Variants in ELF2 observed in about 807,000 individuals in gnomAD.
ELF2 encodes ETS-related transcription factor Elf-2.
A neutral mutation model predicts 54.8 loss-of-function variants in ELF2; 11 were observed. The ratio of observed to expected loss-of-function variants is 0.20; its 90% CI spans 0.13 to 0.33. The LOEUF is 0.33. Ranked by LOEUF, ELF2 falls within the 10% of genes least tolerant of loss-of-function variation. The probability of loss-of-function intolerance (pLI) is 1.00; values close to 1 mark genes in which losing one functional copy is unlikely to be tolerated. For missense variants in ELF2, 513 were observed against 703.0 expected (o/e 0.73, Z 3.06); for synonymous variants, 203 against 245.1 (o/e 0.83, Z 1.61).
intron 7 of ELF2, among the ~76,000 whole-genome samples, chr4:139,065,625 C>T (rs990762690): frequency 5.9e-5 from 9 of 152,284 alleles, no homozygotes; most frequent in African/African-American, 2.2e-4. Context: ...ACTTTGAATA[C>T]AGGTTTGACT....
chr4:139,115,117 T>C, intron 4 of ELF2: 3 of 1,613,872 alleles, frequency 1.9e-6, no homozygotes, highest in South Asian at 2.2e-5. Context: ...CTCCTCTTCC[T>C]GGCAGTCGTA....
rs35549418 is a variant in ELF2, at chr4:139,125,072, GT to G, written c.238+91del. 9.6e-4 allele frequency: 1,418 copies of G among 1,471,614 alleles called. 14 individuals carry two copies. In the African/African-American group the frequency reaches 0.017, roughly 18 times the overall value. 91.2% of individuals were successfully genotyped at this position (1,471,614 alleles called of 1,614,324 possible). A position where few individuals can be genotyped will look rare whatever the true frequency, so the allele number is the denominator to read the frequency against. The stretch of plus-strand genomic sequence containing the variant: ...AGCTATACTAAATAGCATTAAAAAG[GT>G]TTTTCAGTATATTTTTCATCTGGCA... On this transcript the variant is annotated intron_variant, in intron 4 of 9. Coordinates refer to ENST00000686138, the MANE Select transcript of ELF2 (RefSeq NM_001331036.3).
intron 2 of ELF2, among the ~76,000 whole-genome samples, chr4:139,138,751 AG>A (rs1738428719): frequency 6.6e-6 from 1 of 152,238 alleles, no homozygotes; most frequent in Non-Finnish European, 1.5e-5. Context: ...CAAATAAAGT[AG>A]TTTAAAAATA....
At chr4:139,059,854 T>G (rs1231271671) in intron 9 of ELF2, among the ~76,000 whole-genome samples, 1 of 151,968 alleles carries the variant, frequency 6.6e-6, no homozygotes, top group Non-Finnish European at 1.5e-5. Flanking sequence ...ATCTACTTTT[T>G]TTTTTTTTTT....
intron 4 of ELF2, among the ~76,000 whole-genome samples, chr4:139,111,356 C>CT (rs200691360): frequency 0.19 from 27,958 of 147,956 alleles, 2,892 homozygotes; most frequent in South Asian, 0.34. Flanking sequence ...AAATGATATA[C>CT]TTTTTTTTTT....
At chr4:139,066,833 T>C (rs1394558385) in intron 7 of ELF2, 1 of 152,084 alleles carries the variant, frequency 6.6e-6, no homozygotes, top group Non-Finnish European at 1.5e-5. Flanking sequence ...GGTATGGTCA[T>C]GCCACTGCAT....
chr4:139,124,280 T>G (rs1217313107), intron 4 of ELF2, among the ~76,000 whole-genome samples: 1 of 151,984 alleles, frequency 6.6e-6, no homozygotes, highest in Non-Finnish European at 1.5e-5. Flanking sequence ...ATCCCTTAGC[T>G]CCACAAAAAA....
At chr4:139,151,033 A>C (rs1256116115) in intron 1 of ELF2, among the ~76,000 whole-genome samples, 19 of 28,924 alleles carry the variant, frequency 6.6e-4, no homozygotes, top group African/African-American at 2.1e-3. Flanking sequence ...CAAAAAAAAA[A>C]AAGAAAGAAA....
chr4:139,129,604 A>G, intron 3 of ELF2, among the ~76,000 whole-genome samples: 1 of 152,334 alleles, frequency 6.6e-6, no homozygotes, highest in African/African-American at 2.4e-5. Context: ...CTTCATATTT[A>G]AAAAAGAGAT....
rs60267592 is a variant in ELF2, at chr4:139,090,913, GTTTGTTTTGTTTTGT to G, written c.239-17361_239-17347del. Reference sequence around the variant, plus strand: ...TTAATGTTTTCCCTTATAGTATATGGTTTGTTTTGTTTTGTTTTGTTTTGTTTTGTTTTGTTTTGA... The same window carrying G: ...TTAATGTTTTCCCTTATAGTATATGGTTTGTTTTGTTTTGTTTTGTTTTGA... On this transcript the variant is annotated intron_variant, in intron 4 of 9. Transcript: ENST00000686138. Among the ~76,000 whole-genome samples, 53 of 149,662 alleles carry G rather than the reference GTTTGTTTTGTTTTGT, an allele frequency of 3.5e-4. No individual in the cohort carries two copies. In the South Asian group the frequency reaches 3.6e-3, roughly 10 times the overall value.
chr4:139,084,341 G>A (rs1731669235), intron 4 of ELF2: 1 of 1,530,880 alleles, frequency 6.5e-7, no homozygotes, highest in East Asian at 2.4e-5. Flanking sequence ...CCGGATCCTT[G>A]CGCGTCCTCC....
intron 1 of ELF2, among the ~76,000 whole-genome samples, chr4:139,151,557 C>A (rs1740002304): frequency 6.6e-6 from 1 of 152,150 alleles, no homozygotes; most frequent in Admixed American, 6.5e-5. Flanking sequence ...TTCTAGTTCT[C>A]ACGCAGAATG....
At chr4:139,176,640 G>A (rs1447108458) in intron 1 of ELF2, among the ~76,000 whole-genome samples, 7 of 152,076 alleles carry the variant, frequency 4.6e-5, no homozygotes, top group Admixed American at 6.5e-5. Context: ...AGCTGCGCTC[G>A]GCCCATCCCC....
At chr4:139,130,330 A>G (rs1737366409) in intron 3 of ELF2, among the ~76,000 whole-genome samples, 1 of 152,242 alleles carries the variant, frequency 6.6e-6, no homozygotes, top group South Asian at 2.1e-4. Flanking sequence ...AACCTAGTTT[A>G]CAGTACTTTG....
intron 4 of ELF2, among the ~76,000 whole-genome samples, chr4:139,085,982 C>T (rs868820737): frequency 6.6e-6 from 1 of 152,124 alleles, no homozygotes; most frequent in Non-Finnish European, 1.5e-5. Flanking sequence ...AGTTACTTAA[C>T]AAAGGTTACA....
At chr4:139,143,186 C>A (rs1206841226) in intron 1 of ELF2, among the ~76,000 whole-genome samples, 1 of 152,160 alleles carries the variant, frequency 6.6e-6, no homozygotes, top group East Asian at 1.9e-4. Flanking sequence ...TCAGCTACCA[C>A]CCATCCCCCA....
intron 2 of ELF2, among the ~76,000 whole-genome samples, chr4:139,138,821 T>G (rs1156843955): frequency 2.0e-5 from 3 of 152,226 alleles, no homozygotes. Flanking sequence ...CTCAATTTTT[T>G]GATATTAGTT....
chr4:139,081,050 T>C (rs561016154), intron 4 of ELF2, among the ~76,000 whole-genome samples: 3 of 152,208 alleles, frequency 2.0e-5, no homozygotes, highest in South Asian at 2.1e-4. Context: ...GTCAACCCTG[T>C]CTTCTTAGAG....
intron 4 of ELF2, among the ~76,000 whole-genome samples, chr4:139,079,318 A>T (rs1381532723): frequency 1.3e-5 from 2 of 152,206 alleles, no homozygotes; most frequent in African/African-American, 4.8e-5. Flanking sequence ...AATAGAAGGC[A>T]GCTGAATTCT....
Sources: allele counts gnomAD v4.1 joint callset (sites outside exome capture counted in the v4.1 genomes callset), GRCh38; gene constraint gnomAD v4.1.1; transcripts MANE v1.5; gene names NCBI Gene and HGNC (gene_info 2026-07-23, HGNC 2026-07-21).